MBD6: variants seen among roughly 807,000 people sequenced by gnomAD.
MBD6 encodes methyl-CpG-binding domain protein 6.
Under a neutral mutation model 66.8 loss-of-function variants are expected in MBD6, and 22 were observed. That is an observed-to-expected ratio of 0.33 (90% confidence interval 0.24 to 0.47). The LOEUF is 0.47. Among genes scored for constraint, MBD6 ranks in the 20% least tolerant of loss-of-function variants. The probability of loss-of-function intolerance (pLI) is 1.00; values close to 1 mark genes in which losing one functional copy is unlikely to be tolerated. For missense variants in MBD6, 1,322 were observed against 1,286.9 expected, an observed-to-expected ratio of 1.03 and a Z score of -0.42; for synonymous variants, 540 against 534.6, an observed-to-expected ratio of 1.01 and a Z score of -0.14.
Position 57,527,887 on chromosome 12 carries a change from C to T in MBD6, c.2276C>T (p.Pro759Leu). 6.2e-7 allele frequency: 1 copy of T among 1,613,914 alleles called. No individual in the cohort carries two copies. Among genetic ancestry groups the T allele is most frequent in the Non-Finnish European group, 8.5e-7 (1 of 1,179,984 alleles). Residue 759 changes from proline to leucine, a missense_variant, in exon 9 of 13, where the codon CCC becomes CTC. Pro to Leu is a moderately conservative substitution (Grantham distance 98, BLOSUM62 -3). Coordinates refer to ENST00000355673, the MANE Select transcript of MBD6 (RefSeq NM_052897.4). ...SSLTSSPGAL[P>L]SLLQPPGPLL... Reference sequence around the variant, plus strand: ...CTGACCAGCAGCCCTGGAGCCCTCCCCAGCCTGTTGCAGCCTCCTGGCCCT... The same window carrying T: ...CTGACCAGCAGCCCTGGAGCCCTCCTCAGCCTGTTGCAGCCTCCTGGCCCT...
At position 57,528,367 on chromosome 12, in the gene MBD6, G is replaced by A. The variant is rs201530919; in HGVS notation, c.2627G>A (p.Arg876Gln). Residue 876 changes from arginine (R) to glutamine (Q), a missense_variant, in exon 10 of 13, where the codon CGG becomes CAG. Physicochemically the swap from Arg to Gln is conservative, Grantham distance 43. Coordinates refer to ENST00000355673, the MANE Select transcript of MBD6 (RefSeq NM_052897.4). Reference protein sequence around the residue: ...RGINGEARPARGRKPGSRREP... With the variant: ...RGINGEARPAQGRKPGSRREP... ...ATTAATGGTGAGGCCAGGCCAGCCC[G>A]GGGCCGAAAGCCTGGCAGCCGGCGG... The A allele has an allele frequency of 5.2e-4, 843 of 1,612,438 alleles. 3 individuals are homozygous for A. The highest frequency in any genetic ancestry group is 4.2e-4 in the Admixed American group (25 of 59,986).
In MBD6 at chr12:57,525,608, C is replaced by T. The variant is rs1488534901; in HGVS notation, c.640C>T (p.Pro214Ser). The T allele has an allele frequency of 1.2e-6, 2 of 1,613,216 alleles. No individual in the cohort carries two copies. The highest frequency in any genetic ancestry group is 2.2e-5 in the East Asian group (1 of 44,868). Reference protein sequence around the residue: ...LPRGNAPSPAPPPPPAISLNA... With the variant: ...LPRGNAPSPASPPPPAISLNA... Reference sequence around the variant, plus strand: ...AAGGGGCAATGCCCCCTCTCCAGCCCCACCTCCTCCACCTGCTATCAGCCT... The same window carrying T: ...AAGGGGCAATGCCCCCTCTCCAGCCTCACCTCCTCCACCTGCTATCAGCCT... The change falls in exon 6 of 13, where the codon CCA (proline) becomes TCA (serine). Residue 214 changes from proline to serine, a missense_variant. Transcript: ENST00000355673.
chr12:57,530,501 C>G, downstream of MBD6: 1 of 515,420 alleles, frequency 1.9e-6, no homozygotes, highest in Non-Finnish European at 3.4e-6. Flanking sequence ...TGATGATAAC[C>G]AACCCCTAGC....
At position 57,524,807 on chromosome 12, in the gene MBD6, A is replaced by G; in HGVS notation, c.201A>G (p.Pro67=). Residue 67 remains proline, a synonymous_variant, in exon 4 of 13, where the codon CCA becomes CCG. Coordinates refer to ENST00000355673, the MANE Select transcript of MBD6 (RefSeq NM_052897.4). The part of the protein sequence containing the change: ...DGTCKCGLEC[P]LNVPKVFNFD... ...CCTGCAAGTGCGGTCTGGAGTGTCCACTTAATGTCCCCAAGGTCAGAGTGG... is the reference window on the plus strand; with the variant it reads ...CCTGCAAGTGCGGTCTGGAGTGTCCGCTTAATGTCCCCAAGGTCAGAGTGG... 6.2e-7 allele frequency: 1 copy of G among 1,614,222 alleles called. No individual in the cohort carries two copies. The highest frequency in any genetic ancestry group is 8.5e-7 in the Non-Finnish European group (1 of 1,180,030).
intron 8 of MBD6, 38 bp downstream of exon 8, chr12:57,527,698 GA>G: frequency 6.4e-7 from 1 of 1,558,614 alleles, no homozygotes; most frequent in African/African-American, 1.4e-5. Context: ...CTCTTGGTGT[GA>G]AAAAGCAGGA....
chr12:57,527,683 T>G (rs780137871), intron 8 of MBD6, 23 bp downstream of exon 8: 85 of 1,569,702 alleles, frequency 5.4e-5, no homozygotes, highest in Non-Finnish European at 7.2e-5. Flanking sequence ...GAGTGTGAAT[T>G]CACACTCTTG....
chr12:57,521,715 C>G (rs1878353955), upstream of MBD6: 1 of 152,254 alleles, frequency 6.6e-6, no homozygotes, highest in Non-Finnish European at 1.5e-5. Context: ...ATGGCTTTCT[C>G]CAAGACCCTC....
Position 57,528,342 on chromosome 12 carries a change from A to G in MBD6, c.2602A>G (p.Ile868Val), listed in dbSNP as rs1222383089. The G allele has an allele frequency of 4.3e-6, 7 of 1,611,636 alleles. No homozygotes were observed. The highest frequency in any genetic ancestry group is 5.9e-6 in the Non-Finnish European group (7 of 1,179,362). ...GRRGGGGLRG[I>V]NGEARPARGR... is the part of the protein sequence containing the mutation. The stretch of plus-strand genomic sequence containing the variant: ...GAGGGGAGGAGGGGGACTTAGGGGC[A>G]TTAATGGTGAGGCCAGGCCAGCCCG... Residue 868 changes from isoleucine (I) to valine (V), a missense_variant, in exon 10 of 13, where the codon ATT (isoleucine) becomes GTT (valine). By Grantham distance (29) the Ile-to-Val change is conservative. Coordinates refer to ENST00000355673, the MANE Select transcript of MBD6 (RefSeq NM_052897.4).
chr12:57,521,231 G>A (rs1237950507), upstream of MBD6: 1 of 152,038 alleles, frequency 6.6e-6, no homozygotes, highest in East Asian at 2.0e-4. Flanking sequence ...GGGAGGCTGA[G>A]GAGAGCGGAT....
intron 7 of MBD6, 99 bp from the exon 8 acceptor site, chr12:57,527,408 A>T: frequency 6.9e-7 from 1 of 1,444,656 alleles, no homozygotes; most frequent in Non-Finnish European, 9.7e-7. Flanking sequence ...AGCATGGCCT[A>T]TCTCACTTGA....
In MBD6 at chr12:57,524,941, T is replaced by C; in HGVS notation, c.217-12T>C. 6.2e-7 allele frequency: 1 copy of C among 1,600,180 alleles called. No homozygotes were observed. The highest frequency in any genetic ancestry group is 8.5e-7 in the Non-Finnish European group (1 of 1,170,828). Reference sequence around the variant, plus strand: ...CCCCTCAGGGTCCCTGTCCTTGCTTTCCACCTTACAGGTTTTCAACTTTGA... The same window carrying C: ...CCCCTCAGGGTCCCTGTCCTTGCTTCCCACCTTACAGGTTTTCAACTTTGA... On this transcript the variant is annotated splice_polypyrimidine_tract_variant and intron_variant, in intron 4 of 12. Coordinates refer to ENST00000355673, the MANE Select transcript of MBD6 (RefSeq NM_052897.4).
rs773277702 is a variant in MBD6, at chr12:57,526,551, T to C, written c.1421-15T>C. ...AAGGGCCTCCCTTGAGCTGAATTTC[T>C]CTCCTCTTTTACAGGTGCCCCTGCC... is the stretch of plus-strand genomic sequence containing the variant. On this transcript the variant is annotated splice_polypyrimidine_tract_variant and intron_variant, in intron 6 of 12. Transcript: ENST00000355673. 4.0e-6 allele frequency: 6 copies of C among 1,510,716 alleles called. No homozygotes were observed. The African/African-American group carries it at 8.4e-5, about 21-fold the overall frequency. 93.6% of individuals were successfully genotyped at this position (1,510,716 alleles called of 1,614,324 possible).
Position 57,526,265 on chromosome 12 carries a change from T to C in MBD6, c.1297T>C (p.Leu433=). ...CCACTCTGATGGAAGCTTTAACCTT[T>C]TGGGGTCAGATGCACACCTTCCTCC... The part of the protein sequence containing the change: ...PSHSDGSFNL[L]GSDAHLPPPP... Residue 433 remains leucine, a synonymous_variant, in exon 6 of 13, where the codon TTG becomes CTG. Transcript: ENST00000355673. 6.2e-7 allele frequency: 1 copy of C among 1,613,528 alleles called. No homozygotes were observed. Among genetic ancestry groups the C allele is most frequent in the South Asian group, 1.1e-5 (1 of 91,042 alleles).
chr12:57,528,628 T>C, intron 10 of MBD6, 38 bp from the exon 11 acceptor site: 1 of 1,613,838 alleles, frequency 6.2e-7, no homozygotes, highest in East Asian at 2.2e-5. Context: ...TGGAGCCTTT[T>C]TCGAAATTTC....
At position 57,526,875 on chromosome 12, in the gene MBD6, T is replaced by C. The variant is rs777165686; in HGVS notation, c.1730T>C (p.Leu577Pro). Residue 577 changes from leucine to proline, a missense_variant, in exon 7 of 13, where the codon CTA becomes CCA. Transcript: ENST00000355673. ...GGGQPPPEPL[L>P]PPPGGPGPPL... The stretch of plus-strand genomic sequence containing the variant: ...GGACAACCTCCCCCTGAGCCCCTGC[T>C]ACCCCCACCAGGAGGACCTGGTCCT... The C allele has an allele frequency of 1.2e-6, 2 of 1,613,024 alleles. No individual in the cohort carries two copies. The highest frequency in any genetic ancestry group is 2.7e-5 in the African/African-American group (2 of 74,790).
At chr12:57,527,349 T>C in intron 7 of MBD6, 122 bp downstream of exon 7, 2 of 1,152,800 alleles carry the variant, frequency 1.7e-6, no homozygotes, top group Non-Finnish European at 2.5e-6. Context: ...GAGGCCTTAG[T>C]TCTTGGCTGG....
chr12:57,524,342 T>TG lies in MBD6; in HGVS notation c.44dup (p.Val17CysfsTer53). Reference sequence around the variant, plus strand: ...ATGAGAGCAGTGGAGCAGACAGAGCTGGGGGCCCTGTGGCCACATCTGTCC... The same window carrying TG: ...ATGAGAGCAGTGGAGCAGACAGAGCTGGGGGGCCCTGTGGCCACATCTGTCC... On this transcript the variant is annotated frameshift_variant, in exon 3 of 13. Transcript: ENST00000355673. LOFTEE classifies it high-confidence loss of function. 6.3e-7 allele frequency: 1 copy of TG among 1,591,604 alleles called. No homozygotes were observed. Among genetic ancestry groups the TG allele is most frequent in the Non-Finnish European group, 8.5e-7 (1 of 1,169,872 alleles).
At chr12:57,528,070 A>T in intron 9 of MBD6, 53 bp downstream of exon 9, 1 of 1,529,542 alleles carries the variant, frequency 6.5e-7, no homozygotes, top group South Asian at 1.3e-5. Context: ...TCAAACTGGA[A>T]ATTTAGGGCT....
chr12:57,527,945 CCCTGGGG>C lies in MBD6; in HGVS notation c.2335_2341del (p.Pro779GlyfsTer14), dbSNP rs1359386756. ...CTGGCCAGTTGGGGCTGCAGCTCCT[CCCTGGGG>C]GGGGAGCTCCTCCACCCCTCTCAGA... On this transcript the variant is annotated frameshift_variant, in exon 9 of 13. Transcript: ENST00000355673. LOFTEE classifies it high-confidence loss of function. The C allele has an allele frequency of 6.2e-7, 1 of 1,601,776 alleles. No individual in the cohort carries two copies. The highest frequency in any genetic ancestry group is 8.5e-7 in the Non-Finnish European group (1 of 1,175,324).
Sources: gnomAD v4.1 joint callset for allele counts on GRCh38, gnomAD v4.1.1 for gene constraint, MANE v1.5 for transcripts, NCBI Gene and HGNC (gene_info 2026-07-23, HGNC 2026-07-21) for gene names.